The following MEGF10 variants were observed in gnomAD, a reference collection of about 807,000 sequenced individuals.
MEGF10 encodes multiple epidermal growth factor-like domains protein 10.
In MEGF10, 86 loss-of-function variants were observed where a neutral mutation model predicts 147.5. The ratio of observed to expected loss-of-function variants is 0.58; its 90% CI spans 0.49 to 0.70. MEGF10 has a LOEUF of 0.70. Among genes scored for constraint, MEGF10 ranks in the 30% least tolerant of loss-of-function variants. MEGF10 has a pLI of 0.00. For missense variants in MEGF10, 1,329 were observed against 1,487.3 expected, an observed-to-expected ratio of 0.89 and a Z score of 1.75; for synonymous variants, 478 against 525.5, an observed-to-expected ratio of 0.91 and a Z score of 1.24.
the MEGF10 span, among the ~76,000 whole-genome samples, chr5:127,247,540 T>A: frequency 6.6e-6 from 1 of 151,848 alleles, no homozygotes; most frequent in Non-Finnish European, 1.5e-5. Context: ...CTCATGAATT[T>A]GATTTATCTA....
At chr5:127,420,785 A>G (rs1764967150) in intron 12 of MEGF10, among the ~76,000 whole-genome samples, 1 of 152,102 alleles carries the variant, frequency 6.6e-6, no homozygotes, top group African/African-American at 2.4e-5. Flanking sequence ...ATCTACCTCA[A>G]GCTGTCAGGG....
chr5:127,234,106 G>A, the MEGF10 span, among the ~76,000 whole-genome samples: 2 of 152,176 alleles, frequency 1.3e-5, no homozygotes, highest in Non-Finnish European at 2.9e-5. Context: ...GATTTGTGAA[G>A]CCCCCAGGAT....
intron 19 of MEGF10, among the ~76,000 whole-genome samples, chr5:127,444,969 T>TA (rs1218125687): frequency 2.0e-5 from 3 of 152,156 alleles, no homozygotes; most frequent in Non-Finnish European, 4.4e-5. Context: ...GAATAATAAA[T>TA]AAAGCAAAAT....
chr5:127,419,142 G>A lies in MEGF10; in HGVS notation c.1328G>A (p.Cys443Tyr). 6.2e-7 allele frequency: 1 copy of A among 1,613,978 alleles called. No homozygotes were observed. The highest frequency in any genetic ancestry group is 8.5e-7 in the Non-Finnish European group (1 of 1,179,954). The change falls in exon 11 of 25, where the codon TGC becomes TAC. Residue 443 changes from cysteine (C) to tyrosine (Y), a missense_variant. Physicochemically the swap from Cys to Tyr is radical, Grantham distance 194 (BLOSUM62 -2). Coordinates refer to ENST00000503335, the MANE Select transcript of MEGF10 (RefSeq NM_001256545.2). ...TAGGGAATTGACTGCTCTACCCCAT[G>A]CCCTCTGGGAACCTATGGGATAAAC... Reference protein sequence around the residue: ...GFKGIDCSTPCPLGTYGINCS... With the variant: ...GFKGIDCSTPYPLGTYGINCS...
rs780632104 is a variant in MEGF10, at chr5:127,447,553, G to T, written c.2729-4G>T. 27 of 1,613,678 alleles carry T rather than the reference G, an allele frequency of 1.7e-5. No individual in the cohort carries two copies. Among genetic ancestry groups the T allele is most frequent in the African/African-American group, 6.7e-5 (5 of 74,864 alleles). On this transcript the variant is annotated splice_region_variant and splice_polypyrimidine_tract_variant and intron_variant, in intron 20 of 24. Coordinates refer to ENST00000503335, the MANE Select transcript of MEGF10 (RefSeq NM_001256545.2). ...GCCTTAACCATTTCCTTCCCTTCTT[G>T]CAGGAACCCTTCCTCACAGCAATGG...
chr5:127,261,608 G>A, the MEGF10 span, among the ~76,000 whole-genome samples: 1 of 152,102 alleles, frequency 6.6e-6, no homozygotes, highest in Non-Finnish European at 1.5e-5. Context: ...AATTATACAT[G>A]TTGAGTGTAT....
rs1765474698 is a variant in MEGF10, at chr5:127,434,058, ATATG to A, written c.1840+552_1840+555del. Among the ~76,000 whole-genome samples, 3 of 152,254 alleles carry A rather than the reference ATATG, an allele frequency of 2.0e-5. 1 individual carries two copies. In the South Asian group the frequency reaches 6.2e-4, roughly 31 times the overall value. ...TTTTAGTAAATGCAATCAAAAAAGAATATGTAACTAATTATAAGTTATACTATTC... is the reference window on the plus strand; with the variant it reads ...TTTTAGTAAATGCAATCAAAAAAGAATAACTAATTATAAGTTATACTATTC... On this transcript the variant is annotated intron_variant, in intron 14 of 24. Transcript: ENST00000503335.
intron 16 of MEGF10, among the ~76,000 whole-genome samples, chr5:127,435,778 A>T (rs1250856956): frequency 6.6e-6 from 1 of 152,122 alleles, no homozygotes; most frequent in Non-Finnish European, 1.5e-5. Flanking sequence ...ATAAAGCAAA[A>T]ACAGCTGTAT....
chr5:127,234,560 C>T, the MEGF10 span, among the ~76,000 whole-genome samples: 1 of 152,206 alleles, frequency 6.6e-6, no homozygotes, highest in Non-Finnish European at 1.5e-5. Context: ...TGCATCTCTC[C>T]TCTATGCATC....
chr5:127,436,061 A>G (rs1422008761), intron 16 of MEGF10, among the ~76,000 whole-genome samples: 1 of 152,214 alleles, frequency 6.6e-6, no homozygotes, highest in Non-Finnish European at 1.5e-5. Flanking sequence ...TCATTCATGA[A>G]TGTTTTGAAA....
At chr5:127,298,786 G>A (rs1561555282) in intron 1 of MEGF10, among the ~76,000 whole-genome samples, 1 of 152,166 alleles carries the variant, frequency 6.6e-6, no homozygotes, top group Non-Finnish European at 1.5e-5. Context: ...ACACAACGCT[G>A]TTCATGTGAC....
intron 5 of MEGF10, among the ~76,000 whole-genome samples, chr5:127,372,486 T>G (rs1762882510): frequency 6.6e-6 from 1 of 152,208 alleles, no homozygotes; most frequent in African/African-American, 2.4e-5. Context: ...TATTTGGATT[T>G]TATCAATTTT....
At chr5:127,379,550 C>T (rs1763172772) in intron 5 of MEGF10, among the ~76,000 whole-genome samples, 2 of 151,264 alleles carry the variant, frequency 1.3e-5, no homozygotes, top group Non-Finnish European at 2.9e-5. Context: ...ATTTCCTCTG[C>T]TCAGAATAAT....
At chr5:127,268,743 G>C in the MEGF10 span, among the ~76,000 whole-genome samples, 1 of 152,182 alleles carries the variant, frequency 6.6e-6, no homozygotes, top group Non-Finnish European at 1.5e-5. Context: ...GAGAGTAGTG[G>C]TTCTCCTAGC....
intron 19 of MEGF10, 64 bp from the exon 20 acceptor site, chr5:127,445,393 A>T: frequency 7.9e-7 from 1 of 1,267,132 alleles, no homozygotes; most frequent in Non-Finnish European, 1.1e-6. Context: ...GGTTTTTGTA[A>T]GTAGAGATCA....
chr5:127,331,943 G>T (rs1237313826), intron 2 of MEGF10, among the ~76,000 whole-genome samples: 8 of 152,190 alleles, frequency 5.3e-5, no homozygotes, highest in African/African-American at 1.9e-4. Context: ...AATAAGATGA[G>T]TGGGTTGCAA....
intron 1 of MEGF10, among the ~76,000 whole-genome samples, chr5:127,304,872 C>A (rs145041467): frequency 6.6e-6 from 1 of 152,258 alleles, no homozygotes; most frequent in African/African-American, 2.4e-5. Context: ...AGAGCCCTTA[C>A]CAGAAACCAA....
intron 5 of MEGF10, among the ~76,000 whole-genome samples, chr5:127,386,157 T>C (rs1007412232): frequency 2.9e-4 from 44 of 152,170 alleles, no homozygotes; most frequent in African/African-American, 9.9e-4. Context: ...ACCTGCTCAG[T>C]TCACCTAGGG....
intron 3 of MEGF10, among the ~76,000 whole-genome samples, chr5:127,340,159 G>A (rs1401949836): frequency 2.0e-5 from 3 of 152,030 alleles, no homozygotes; most frequent in Non-Finnish European, 2.9e-5. Flanking sequence ...TCAATGGAGA[G>A]GTCTTTTGTC....
Sources: allele counts gnomAD v4.1 joint callset (sites outside exome capture counted in the v4.1 genomes callset), GRCh38; gene constraint gnomAD v4.1.1; transcripts MANE v1.5; gene names NCBI Gene and HGNC (gene_info 2026-07-23, HGNC 2026-07-21).